Variants in GTF3C4 observed in about 807,000 individuals in gnomAD.
The protein encoded by GTF3C4 is general transcription factor IIIC subunit 4, also known as general transcription factor 3C polypeptide 4.
A neutral mutation model predicts 67.5 loss-of-function variants in GTF3C4; 28 were observed. The observed-to-expected ratio is 0.41, with a 90% CI of 0.31 to 0.57. The LOEUF is 0.57. GTF3C4 is among the 20% of genes least tolerant of loss of function. The pLI is 0.21. For synonymous variants in GTF3C4, 409 were observed against 393.0 expected (o/e 1.04, Z -0.48); for missense variants, 831 against 1,033.2 (o/e 0.80, Z 2.68).
chr9:132,681,388 A>G lies in GTF3C4; in HGVS notation c.2184+1585A>G, dbSNP rs1276726314. 2.0e-5 allele frequency among the ~76,000 whole-genome samples: 3 copies of G among 152,206 alleles called. No homozygotes were observed. The East Asian group carries it at 5.8e-4, about 29-fold the overall frequency. On this transcript the variant is annotated intron_variant, in intron 2 of 4. Transcript: ENST00000372146. ...CACCCGTCCCTGTTTATAGCAACTG[A>G]GTTTATTGAAGACCACGCATTCCTG...
rs956202694 is a variant in GTF3C4, at chr9:132,679,509, G to T, written c.1890G>T (p.Gln630His). 12 of 1,614,170 alleles carry T rather than the reference G, an allele frequency of 7.4e-6. No homozygotes were observed. The highest frequency in any genetic ancestry group is 1.0e-5 in the Non-Finnish European group (12 of 1,180,028). ...EQQEEGTSSK[Q>H]VVKQGLQERS... is the part of the protein sequence containing the mutation. ...AGGAAGAAGGCACTTCTTCCAAACA[G>T]GTGGTGAAGCAAGGCCTGCAGGAGA... The change falls in exon 2 of 5, where the codon CAG becomes CAT. Residue 630 changes from glutamine to histidine, a missense_variant. Gln to His is a conservative substitution (Grantham distance 24, BLOSUM62 0). Around this residue, in one of 4 missense-constraint regions of GTF3C4, gnomAD observed 75 missense variants for 66.4 expected, o/e 1.13. Transcript: ENST00000372146. This position sits in a 1 kb window ranked among gnomAD's most constrained non-coding sequence, Gnocchi z 5.9.
At position 132,670,608 on chromosome 9, in the gene GTF3C4, G is replaced by A. The variant is rs143172300; in HGVS notation, c.10G>A (p.Ala4Thr). Residue 4 changes from alanine (A) to threonine (T), a missense_variant, in exon 1 of 5, where the codon GCC (alanine) becomes ACC (threonine). Physicochemically the swap from Ala to Thr is moderately conservative, Grantham distance 58. Around this residue, in one of 4 missense-constraint regions of GTF3C4, gnomAD observed 237 missense variants for 212.7 expected, o/e 1.11. Coordinates refer to ENST00000372146, the MANE Select transcript of GTF3C4 (RefSeq NM_012204.4). MNT[A>T]DQARVGPADD... Reference sequence around the variant, plus strand: ...CTGCACCTGAGAGAAGATGAACACGGCCGACCAGGCCCGGGTGGGGCCCGC... The same window carrying A: ...CTGCACCTGAGAGAAGATGAACACGACCGACCAGGCCCGGGTGGGGCCCGC... 7.5e-3 allele frequency: 10,846 copies of A among 1,448,416 alleles called. 54 individuals are homozygous for A. Among genetic ancestry groups the A allele is most frequent in the Admixed American group, 9.1e-3 (314 of 34,554 alleles). The allele number at this position is 1,448,416 out of a possible 1,614,324, so 89.7% of individuals were successfully genotyped here.
chr9:132,687,121 T>C (rs530083330), intron 3 of GTF3C4, 118 bp from the exon 4 acceptor site: 1 of 740,286 alleles, frequency 1.4e-6, no homozygotes, highest in East Asian at 2.5e-5. Context: ...ATGAGTATCA[T>C]GCTTTCATTT....
At chr9:132,673,437 A>C (rs749807889) in intron 1 of GTF3C4, among the ~76,000 whole-genome samples, 1 of 151,824 alleles carries the variant, frequency 6.6e-6, no homozygotes. Context: ...TAATATGCAC[A>C]TCACATAAAC....
rs756325038 is a variant in GTF3C4 at position 132,679,740 on chromosome 9, C to T, written c.2121C>T (p.Ile707=). 3 of 1,613,764 alleles carry T rather than the reference C, an allele frequency of 1.9e-6. No individual in the cohort carries two copies. The highest frequency in any genetic ancestry group is 1.3e-5 in the African/African-American group (1 of 74,902). Residue 707 remains isoleucine, a synonymous_variant, in exon 2 of 5, where the codon ATC becomes ATT. Transcript: ENST00000372146. The surrounding 1 kb of genome is among the most constrained non-coding windows in gnomAD (Gnocchi z 5.9). ...LHTWITENTS[I]PTRGLCNFLM... ...CCTGGATCACAGAAAACACTAGCAT[C>T]CCCACCCGCGGACTCTGTAACTTTT...
chr9:132,673,026 T>C (rs1835809243), intron 1 of GTF3C4, among the ~76,000 whole-genome samples: 1 of 151,756 alleles, frequency 6.6e-6, no homozygotes, highest in Admixed American at 6.6e-5. Context: ...CTACTAAAAA[T>C]ACAAAAAATT....
intron 3 of GTF3C4, 71 bp from the exon 4 acceptor site, chr9:132,687,168 G>A: frequency 3.6e-6 from 3 of 841,060 alleles, no homozygotes; most frequent in Middle Eastern, 2.2e-4. Context: ...CTCTGTGATG[G>A]AGAAACATCA....
rs1466161933 is a variant in GTF3C4, at chr9:132,693,811, T to A, written c.*4866T>A. The A allele has an allele frequency of 8.5e-5, 13 of 152,184 alleles. No individual in the cohort carries two copies. The highest frequency in any genetic ancestry group is 8.5e-4 in the Admixed American group (13 of 15,284). The allele number at this position is 152,184 out of a possible 1,614,324, so 9.4% of individuals were successfully genotyped here. ...ATTAAATGCTAAACGTCCTAAGAAT[T>A]ATGTTGTTTTCAAGGCTTTGACTCA... On this transcript the variant is annotated 3_prime_UTR_variant, in exon 5 of 5. Transcript: ENST00000372146.
In GTF3C4 at chr9:132,683,473, A is replaced by AT. The variant is rs1835978960; in HGVS notation, c.2185-84dup. 6.0e-6 allele frequency: 7 copies of AT among 1,175,046 alleles called. No homozygotes were observed. In the South Asian group the frequency reaches 8.5e-5, roughly 14 times the overall value. The allele number at this position is 1,175,046 out of a possible 1,614,324, so 72.8% of individuals were successfully genotyped here. A position where few individuals can be genotyped will look rare whatever the true frequency, so the allele number is the denominator to read the frequency against. On this transcript the variant is annotated intron_variant, in intron 2 of 4. Coordinates refer to ENST00000372146, the MANE Select transcript of GTF3C4 (RefSeq NM_012204.4). Reference sequence around the variant, plus strand: ...ATATTGCTCTTTTCTTTTTTTCTTTATTTTTTAATTTTCCCTTTGTGTTTG... The same window carrying AT: ...ATATTGCTCTTTTCTTTTTTTCTTTATTTTTTTAATTTTCCCTTTGTGTTTG...
chr9:132,681,039 C>G (rs374284286), intron 2 of GTF3C4, among the ~76,000 whole-genome samples: 2 of 151,930 alleles, frequency 1.3e-5, no homozygotes, highest in African/African-American at 4.8e-5. Flanking sequence ...ACCTGGGAGG[C>G]GAAAGTTGCA....
intron 1 of GTF3C4, among the ~76,000 whole-genome samples, chr9:132,672,483 T>A (rs1342264010): frequency 6.6e-6 from 1 of 151,718 alleles, no homozygotes; most frequent in African/African-American, 2.4e-5. Flanking sequence ...CCCATGTGCA[T>A]ACACGTTTAA....
chr9:132,683,397 A>G (rs565923935), intron 2 of GTF3C4, among the ~76,000 whole-genome samples, 166 bp from the exon 3 acceptor site: 38 of 151,898 alleles, frequency 2.5e-4, no homozygotes, highest in African/African-American at 9.1e-4. Flanking sequence ...TTTATTTTTC[A>G]GACAGTATAA....
At chr9:132,683,233 C>T (rs1385498605) in intron 2 of GTF3C4, among the ~76,000 whole-genome samples, 1 of 152,118 alleles carries the variant, frequency 6.6e-6, no homozygotes. Context: ...CTCTGAAATC[C>T]TTGTTTCAGA....
rs138411993 is a variant in GTF3C4 at position 132,689,223 on chromosome 9, A to G, written c.*278A>G. 1.8e-4 allele frequency: 73 copies of G among 402,736 alleles called. No individual in the cohort carries two copies. The highest frequency in any genetic ancestry group is 1.5e-3 in the Middle Eastern group (2 of 1,346). 24.9% of individuals were successfully genotyped at this position (402,736 alleles called of 1,614,324 possible). ...TGTAACCAATGAGGAACACTTACTT[A>G]TTTTTAAGTATCTTGACAGAAGCAA... On this transcript the variant is annotated 3_prime_UTR_variant, in exon 5 of 5. Transcript: ENST00000372146.
intron 1 of GTF3C4, among the ~76,000 whole-genome samples, chr9:132,673,768 G>T (rs1214652006): frequency 6.6e-6 from 1 of 152,206 alleles, no homozygotes; most frequent in East Asian, 1.9e-4. Context: ...TTTAGATTAT[G>T]AATTTGCAGG....
chr9:132,671,157 C>T (rs1339683059), intron 1 of GTF3C4, among the ~76,000 whole-genome samples: 1 of 152,114 alleles, frequency 6.6e-6, no homozygotes, highest in Non-Finnish European at 1.5e-5. Context: ...CACCCTGTTT[C>T]CCCAGGTCAC....
chr9:132,671,243 C>T (rs975610610), intron 1 of GTF3C4, among the ~76,000 whole-genome samples: 1 of 152,190 alleles, frequency 6.6e-6, no homozygotes, highest in Admixed American at 6.5e-5. Context: ...TTCGCCCCTC[C>T]GTCGGGCCCG....
rs1835796693 is a variant in GTF3C4, at chr9:132,672,383, G to C, written c.357+1428G>C. On this transcript the variant is annotated intron_variant, in intron 1 of 4. Transcript: ENST00000372146. ...CTTATGGGGCAGGTCATCTGGTGGT[G>C]AATCTGCAGCAGTCCTAAAGAAGGT... 3.9e-5 allele frequency among the ~76,000 whole-genome samples: 6 copies of C among 152,200 alleles called. No individual in the cohort carries two copies. In the South Asian group the frequency reaches 1.2e-3, roughly 32 times the overall value.
Position 132,678,187 on chromosome 9 carries a change from C to A in GTF3C4, c.568C>A (p.Arg190Ser). Reference sequence around the variant, plus strand: ...CTTGGCAGCACTGACCATGGACAATCGCCTGACCATCCAGGCAAATCTCAA... The same window carrying A: ...CTTGGCAGCACTGACCATGGACAATAGCCTGACCATCCAGGCAAATCTCAA... Reference protein sequence around the residue: ...CLLAALTMDNRLTIQANLNRL... With the variant: ...CLLAALTMDNSLTIQANLNRL... Residue 190 changes from arginine (R) to serine (S), a missense_variant, in exon 2 of 5, where the codon CGC becomes AGC. This residue lies in a region of GTF3C4 where 390 missense variants were observed against 540.3 expected (regional missense o/e 0.72). Transcript: ENST00000372146. The surrounding 1 kb of genome is among the most constrained non-coding windows in gnomAD (Gnocchi z 6.5). 2 of 1,614,196 alleles carry A rather than the reference C, an allele frequency of 1.2e-6. No homozygotes were observed. Among genetic ancestry groups the A allele is most frequent in the Non-Finnish European group, 1.7e-6 (2 of 1,179,992 alleles).
Sources: allele counts gnomAD v4.1 joint callset (sites outside exome capture counted in the v4.1 genomes callset), GRCh38; gene constraint gnomAD v4.1.1; regional missense constraint gnomAD v4.1.1; non-coding constraint Gnocchi (gnomAD v3.1); transcripts MANE v1.5; gene names NCBI Gene and HGNC (gene_info 2026-07-23, HGNC 2026-07-21).